Variants in CFAP43 observed in about 807,000 individuals in gnomAD.
CFAP43 encodes the protein cilia and flagella associated protein 43, also known as cilia- and flagella-associated protein 43.
In CFAP43, 155 loss-of-function variants were observed where a neutral mutation model predicts 218.9. The observed-to-expected ratio is 0.71, with a 90% CI of 0.62 to 0.81. The LOEUF is 0.81. CFAP43 is among the 30% of genes least tolerant of loss of function. The probability of loss-of-function intolerance (pLI) is 0.00; values close to 1 mark genes in which losing one functional copy is unlikely to be tolerated. For missense variants in CFAP43, 1,778 were observed against 1,954.3 expected (o/e 0.91, Z 1.70); for synonymous variants, 645 against 681.3 (o/e 0.95, Z 0.83).
rs74488847 is a variant in CFAP43 at position 104,178,958 on chromosome 10, C to T, written c.2460+71G>A. ...GGAGGTATAGTTCCTCAGGGTAGAACAAAATTAAGTTCAAAAAGTAATTTT... is the reference window on the plus strand; with the variant it reads ...GGAGGTATAGTTCCTCAGGGTAGAATAAAATTAAGTTCAAAAAGTAATTTT... On this transcript the variant is annotated intron_variant, in intron 19 of 37. Coordinates refer to ENST00000357060, the MANE Select transcript of CFAP43 (RefSeq NM_025145.7). 1.1e-5 allele frequency: 13 copies of T among 1,229,332 alleles called. No individual in the cohort carries two copies. The East Asian group carries it at 1.7e-4, about 16-fold the overall frequency. The allele number at this position is 1,229,332 out of a possible 1,614,324, so 76.2% of individuals were successfully genotyped here.
chr10:104,223,300 A>C (rs966800208), intron 3 of CFAP43, among the ~76,000 whole-genome samples: 2 of 152,254 alleles, frequency 1.3e-5, no homozygotes, highest in African/African-American at 4.8e-5. Flanking sequence ...TGGCCAAAAA[A>C]AAATACACTG....
At chr10:104,206,114 G>T in intron 6 of CFAP43, 84 bp from the exon 7 acceptor site, 2 of 1,054,120 alleles carry the variant, frequency 1.9e-6, no homozygotes, top group Non-Finnish European at 2.8e-6. Context: ...TACTTTTACT[G>T]ATGTAAATCT....
rs185591014 is a variant in CFAP43 at position 104,198,902 on chromosome 10, C to T, written c.1096-864G>A. On this transcript the variant is annotated intron_variant, in intron 8 of 37. Transcript: ENST00000357060. ...CTGACCTCAAGTAATCCCCCCTCCTCGACCTCCCAAAGTGCTGGGATTATA... is the reference window on the plus strand; with the variant it reads ...CTGACCTCAAGTAATCCCCCCTCCTTGACCTCCCAAAGTGCTGGGATTATA... Among the ~76,000 whole-genome samples the T allele has an allele frequency of 3.0e-3, 457 of 152,254 alleles. 2 individuals carry two copies. The highest frequency in any genetic ancestry group is 0.01 in the African/African-American group (421 of 41,554).
intron 8 of CFAP43, among the ~76,000 whole-genome samples, chr10:104,200,670 CAAAAAAAAAAAAAAAA>C (rs71022722): frequency 1.8e-4 from 4 of 22,638 alleles, no homozygotes; most frequent in Non-Finnish European, 3.0e-4. Context: ...GACTCTGTCT[CAAAAAAAAAAAAAAAA>C]AAAAAAAAAA....
At position 104,184,997 on chromosome 10, in the gene CFAP43, T is replaced by G. The variant is rs2089984729; in HGVS notation, c.2141+19A>C. On this transcript the variant is annotated intron_variant, in intron 16 of 37. Transcript: ENST00000357060. ...ACACACTATACTACATGGGGTTACT[T>G]ACTGAATACTGTACGTACTTCCACT... 1.9e-6 allele frequency: 3 copies of G among 1,612,658 alleles called. No individual in the cohort carries two copies. The highest frequency in any genetic ancestry group is 1.7e-5 in the Admixed American group (1 of 59,566).
At chr10:104,159,078 C>T (rs1488888298) in intron 27 of CFAP43, among the ~76,000 whole-genome samples, 7 of 151,908 alleles carry the variant, frequency 4.6e-5, no homozygotes, top group East Asian at 3.9e-4. Flanking sequence ...TAAGATTGGC[C>T]GTGAGTAGAT....
At chr10:104,219,736 C>T (rs1404745423) in intron 3 of CFAP43, among the ~76,000 whole-genome samples, 1 of 152,212 alleles carries the variant, frequency 6.6e-6, no homozygotes, top group Non-Finnish European at 1.5e-5. Flanking sequence ...CATAAGCTCA[C>T]CTCTGACTGT....
rs532500183 is a variant in CFAP43 at position 104,213,903 on chromosome 10, CA to C, written c.584+355del. 1.9e-3 allele frequency among the ~76,000 whole-genome samples: 292 copies of C among 152,178 alleles called. 2 individuals are homozygous for C. The highest frequency in any genetic ancestry group is 0.017 in the Middle Eastern group (5 of 294). On this transcript the variant is annotated intron_variant, in intron 4 of 37. Transcript: ENST00000357060. ...TTCCAGTAGGGCATCTGAGTAATAG[CA>C]AAAGTCTTAACTCTCCTTTTTATAC...
rs1197550550 is a variant in CFAP43, at chr10:104,164,160, T to A, written c.3180A>T (p.Ala1060=). ...EIILDLELEE[A]VWQPEFEDCE... is the part of the protein sequence containing the mutation. ...AGTCTTCAAATTCTGGTTGCCAGAC[T>A]GCTTCTTCCAATTCCAGATCTAAAA... Residue 1060 remains alanine, a synonymous_variant, in exon 24 of 38, where the codon GCA becomes GCT. Coordinates refer to ENST00000357060, the MANE Select transcript of CFAP43 (RefSeq NM_025145.7). 6.2e-7 allele frequency: 1 copy of A among 1,614,136 alleles called. No homozygotes were observed. The highest frequency in any genetic ancestry group is 1.3e-5 in the African/African-American group (1 of 74,954).
chr10:104,217,327 T>C (rs552752860), intron 3 of CFAP43, among the ~76,000 whole-genome samples: 1 of 148,332 alleles, frequency 6.7e-6, no homozygotes, highest in East Asian at 2.0e-4. Context: ...TTTCTTTCTT[T>C]TTCTTTTCTT....
intron 4 of CFAP43, among the ~76,000 whole-genome samples, chr10:104,213,350 C>T (rs1589793696): frequency 6.6e-6 from 1 of 152,168 alleles, no homozygotes. Flanking sequence ...TCATGGAGTA[C>T]ACTGAAAATG....
chr10:104,133,561 A>G (rs2087296642), intron 35 of CFAP43, 59 bp downstream of exon 35: 1 of 1,522,342 alleles, frequency 6.6e-7, no homozygotes, highest in Non-Finnish European at 8.8e-7. Flanking sequence ...TACTGGTTAA[A>G]TGAATGAATA....
chr10:104,203,481 C>T (rs1564794341), intron 8 of CFAP43, 191 bp downstream of exon 8: 1 of 487,796 alleles, frequency 2.1e-6, no homozygotes, highest in South Asian at 5.5e-5. Context: ...CTTTCAGTTA[C>T]ATGCACAAAA....
chr10:104,209,734 A>C (rs2090796080), intron 5 of CFAP43, among the ~76,000 whole-genome samples: 1 of 152,178 alleles, frequency 6.6e-6, no homozygotes, highest in Non-Finnish European at 1.5e-5. Flanking sequence ...AAACATAGAA[A>C]AATTTGAGTT....
At chr10:104,141,534 C>T (rs1047112388) in intron 33 of CFAP43, among the ~76,000 whole-genome samples, 2 of 152,134 alleles carry the variant, frequency 1.3e-5, no homozygotes, top group Non-Finnish European at 2.9e-5. Context: ...TCTCTTGAAC[C>T]TGGGAGGTGG....
chr10:104,215,978 A>T (rs1046890035), intron 3 of CFAP43, among the ~76,000 whole-genome samples: 1 of 152,052 alleles, frequency 6.6e-6, no homozygotes, highest in African/African-American at 2.4e-5. Flanking sequence ...GGATAACTGC[A>T]TCTTCCAACT....
At chr10:104,221,338 C>G (rs745821081) in intron 3 of CFAP43, among the ~76,000 whole-genome samples, 3 of 152,132 alleles carry the variant, frequency 2.0e-5, no homozygotes, top group Non-Finnish European at 2.9e-5. Context: ...CCTCCCCCCA[C>G]CAAATTTATA....
chr10:104,170,514 A>G (rs1166507281), intron 20 of CFAP43, among the ~76,000 whole-genome samples: 1 of 152,098 alleles, frequency 6.6e-6, no homozygotes, highest in South Asian at 2.1e-4. Flanking sequence ...AGTGGTCAAG[A>G]TGAGTGGGCT....
At chr10:104,210,951 C>T (rs919848364) in intron 5 of CFAP43, among the ~76,000 whole-genome samples, 11 of 151,972 alleles carry the variant, frequency 7.2e-5, no homozygotes, top group South Asian at 2.1e-4. Flanking sequence ...CCACCATGCC[C>T]GGCTAATTTT....
Sources: gnomAD v4.1 joint callset for allele counts (sites outside exome capture counted in the v4.1 genomes callset) on GRCh38, gnomAD v4.1.1 for gene constraint, MANE v1.5 for transcripts, NCBI Gene and HGNC (gene_info 2026-07-23, HGNC 2026-07-21) for gene names.